Variants in KDM7A observed in about 807,000 individuals in gnomAD.
KDM7A encodes the protein lysine-specific demethylase 7A.
A neutral mutation model predicts 114.8 loss-of-function variants in KDM7A; 28 were observed. The ratio of observed to expected loss-of-function variants is 0.24; its 90% CI spans 0.18 to 0.33. KDM7A has a LOEUF of 0.33. KDM7A is among the 10% of genes least tolerant of loss of function. The pLI is 1.00. For synonymous variants in KDM7A, 423 were observed against 397.8 expected, an observed-to-expected ratio of 1.06 and a Z score of -0.75; for missense variants, 942 against 1,142.5, an observed-to-expected ratio of 0.82 and a Z score of 2.53.
At chr7:140,111,440 C>T (rs905709636) in intron 10 of KDM7A, among the ~76,000 whole-genome samples, 7 of 152,128 alleles carry the variant, frequency 4.6e-5, no homozygotes, top group Non-Finnish European at 8.8e-5. Context: ...GAGTAGTAAC[C>T]TTGTACTCTA....
At chr7:140,136,815 T>C (rs1027957386) in intron 2 of KDM7A, among the ~76,000 whole-genome samples, 1 of 151,974 alleles carries the variant, frequency 6.6e-6, no homozygotes, top group African/African-American at 2.4e-5. Context: ...GGTGAAACTC[T>C]GTCTCTACTG....
intron 7 of KDM7A, among the ~76,000 whole-genome samples, chr7:140,121,992 A>T (rs1324505446): frequency 6.6e-6 from 1 of 152,230 alleles, no homozygotes; most frequent in Non-Finnish European, 1.5e-5. Context: ...CACCTGAATC[A>T]GCCAATAACT....
chr7:140,176,889 C>T lies in KDM7A; in HGVS notation c.49G>A (p.Ala17Thr). ...GCCGCCACCGACACGGCTGCCGCGG[C>T]GGCTCCAGCTGCTGCTCCCGCGGCC... ...AVAAGAAAGA[A>T]AAAVSVAAPG... Residue 17 changes from alanine to threonine, a missense_variant, in exon 1 of 20, where the codon GCC becomes ACC. By Grantham distance (58) the Ala-to-Thr change is moderately conservative. Around this residue, in one of 4 missense-constraint regions of KDM7A, gnomAD observed 112 missense variants for 96.2 expected, o/e 1.16. Transcript: ENST00000397560. This position sits in a 1 kb window ranked among gnomAD's most constrained non-coding sequence, Gnocchi z 4.4. 8.3e-7 allele frequency: 1 copy of T among 1,199,770 alleles called. No individual in the cohort carries two copies. The highest frequency in any genetic ancestry group is 1.0e-6 in the Non-Finnish European group (1 of 957,666). 74.3% of individuals were successfully genotyped at this position (1,199,770 alleles called of 1,614,324 possible).
At chr7:140,148,147 T>C (rs1794359930) in intron 1 of KDM7A, among the ~76,000 whole-genome samples, 1 of 151,924 alleles carries the variant, frequency 6.6e-6, no homozygotes, top group Non-Finnish European at 1.5e-5. Flanking sequence ...CTTTTATGAT[T>C]GGGCTTAGTA....
At position 140,113,598 on chromosome 7, in the gene KDM7A, T is replaced by C. The variant is rs775105604; in HGVS notation, c.1247-16A>G. 13 of 1,397,434 alleles carry C rather than the reference T, an allele frequency of 9.3e-6. No homozygotes were observed. Among genetic ancestry groups the C allele is most frequent in the South Asian group, 1.2e-5 (1 of 81,112 alleles). The allele number at this position is 1,397,434 out of a possible 1,614,324, so 86.6% of individuals were successfully genotyped here. ...TCTCTCAGTTCTGTAGGAATGGAAA[T>C]GGGGTGAGAAAAAAAAATAGTTAAA... On this transcript the variant is annotated splice_polypyrimidine_tract_variant and intron_variant, in intron 9 of 19. Coordinates refer to ENST00000397560, the MANE Select transcript of KDM7A (RefSeq NM_030647.2).
intron 9 of KDM7A, among the ~76,000 whole-genome samples, 174 bp from the exon 10 acceptor site, chr7:140,113,756 T>C (rs1818469501): frequency 6.6e-6 from 1 of 152,162 alleles, no homozygotes; most frequent in Admixed American, 6.5e-5. Context: ...AGAAACAGAA[T>C]TACATTCAAT....
At chr7:140,100,721 T>TATATATATATATATATACAC (rs1818205234) in intron 12 of KDM7A, among the ~76,000 whole-genome samples, 6 of 57,232 alleles carry the variant, frequency 1.0e-4, no homozygotes, top group South Asian at 5.7e-4. Context: ...CATATATATA[T>TATATATATATATATATACAC]ATATATATAT....
intron 1 of KDM7A, among the ~76,000 whole-genome samples, chr7:140,144,628 A>G (rs1015214720): frequency 2.6e-5 from 4 of 152,150 alleles, no homozygotes; most frequent in Non-Finnish European, 5.9e-5. Context: ...CTGTAGAACG[A>G]AAGACTAAGA....
At chr7:140,144,983 G>A (rs1794324847) in intron 1 of KDM7A, among the ~76,000 whole-genome samples, 1 of 152,028 alleles carries the variant, frequency 6.6e-6, no homozygotes, top group Non-Finnish European at 1.5e-5. Flanking sequence ...GCCTCACCAG[G>A]AGCAGATGCT....
chr7:140,088,030 T>C lies in KDM7A; in HGVS notation c.*3064A>G, dbSNP rs1365586368. On this transcript the variant is annotated 3_prime_UTR_variant, in exon 20 of 20. Transcript: ENST00000397560. ...GTTTGATAAATACCTGTTGATCCCATATAAATAAATACAGTAGACTATAAT... is the reference window on the plus strand; with the variant it reads ...GTTTGATAAATACCTGTTGATCCCACATAAATAAATACAGTAGACTATAAT... The C allele has an allele frequency of 6.7e-6, 1 of 149,852 alleles. No homozygotes were observed. The highest frequency in any genetic ancestry group is 2.5e-5 in the African/African-American group (1 of 40,446). The allele number at this position is 149,852 out of a possible 1,614,324, so 9.3% of individuals were successfully genotyped here. A position where few individuals can be genotyped will look rare whatever the true frequency, so the allele number is the denominator to read the frequency against.
At chr7:140,148,198 C>T (rs1794360457) in intron 1 of KDM7A, among the ~76,000 whole-genome samples, 1 of 149,600 alleles carries the variant, frequency 6.7e-6, no homozygotes, top group African/African-American at 2.5e-5. Context: ...ACACACCAGG[C>T]ACTCAAATGG....
Position 140,122,841 on chromosome 7 carries a change from C to T in KDM7A, c.1051+1780G>A, listed in dbSNP as rs1390344874. Reference sequence around the variant, plus strand: ...TTCTTACAGGCTTGGTTTTTAACAGCAATGGAGAGCTGACCATAGTTAAGA... The same window carrying T: ...TTCTTACAGGCTTGGTTTTTAACAGTAATGGAGAGCTGACCATAGTTAAGA... On this transcript the variant is annotated intron_variant, in intron 7 of 19. Transcript: ENST00000397560. 1.1e-4 allele frequency among the ~76,000 whole-genome samples: 16 copies of T among 152,322 alleles called. No individual in the cohort carries two copies. In the East Asian group the frequency reaches 1.9e-3, roughly 18 times the overall value.
Position 140,087,081 on chromosome 7 carries a change from TG to T in KDM7A, c.*4012del, listed in dbSNP as rs1817940246. 2 of 152,216 alleles carry T rather than the reference TG, an allele frequency of 1.3e-5. No homozygotes were observed. The highest frequency in any genetic ancestry group is 2.4e-5 in the African/African-American group (1 of 41,450). The allele number at this position is 152,216 out of a possible 1,614,324, so 9.4% of individuals were successfully genotyped here. ...TCTGGTGGCGTCTCCTTTCCTACACTGGTTTCTTTCTACCAAGCAAACTGTT... is the reference window on the plus strand; with the variant it reads ...TCTGGTGGCGTCTCCTTTCCTACACTGTTTCTTTCTACCAAGCAAACTGTT... On this transcript the variant is annotated 3_prime_UTR_variant, in exon 20 of 20. Transcript: ENST00000397560.
At position 140,139,125 on chromosome 7, in the gene KDM7A, A is replaced by T. The variant is rs372848812; in HGVS notation, c.260T>A (p.Val87Asp). The T allele has an allele frequency of 2.9e-5, 47 of 1,612,008 alleles. No individual in the cohort carries two copies. The highest frequency in any genetic ancestry group is 3.4e-5 in the Non-Finnish European group (40 of 1,178,396). Residue 87 changes from valine to aspartate, a missense_variant, in exon 2 of 20, where the codon GTT becomes GAT. By Grantham distance (152) the Val-to-Asp change is radical (BLOSUM62 -3). Around this residue, in one of 4 missense-constraint regions of KDM7A, gnomAD observed 318 missense variants for 453.1 expected, o/e 0.70. Transcript: ENST00000397560. ...IDLYHCPNCA[V>D]LHGSSLMKKR... ...CTTACTCAAGGAGGAACCATGTAAAACTGCACAGTTGGGACAGTGATACAG... is the reference window on the plus strand; with the variant it reads ...CTTACTCAAGGAGGAACCATGTAAATCTGCACAGTTGGGACAGTGATACAG...
intron 17 of KDM7A, among the ~76,000 whole-genome samples, chr7:140,095,455 T>C (rs62491377): frequency 0.067 from 10,179 of 152,350 alleles, 396 homozygotes; most frequent in Non-Finnish European, 0.09. Flanking sequence ...CAGATGGTCC[T>C]GGCTTCAAAT....
rs866161112 is a variant in KDM7A at position 140,091,878 on chromosome 7, G to A, written c.2657C>T (p.Ser886Phe). 1 of 1,613,926 alleles carries A rather than the reference G, an allele frequency of 6.2e-7. No homozygotes were observed. Among genetic ancestry groups the A allele is most frequent in the Non-Finnish European group, 8.5e-7 (1 of 1,180,004 alleles). ...GGTGGGGTGAAGGGGCACCGAGAAGGAAGTTTCACCAACTGGCCTTTCTGG... is the reference window on the plus strand; with the variant it reads ...GGTGGGGTGAAGGGGCACCGAGAAGAAAGTTTCACCAACTGGCCTTTCTGG... ...LSPERPVGET[S>F]FSVPLHPTKR... Residue 886 changes from serine to phenylalanine, a missense_variant, in exon 19 of 20, where the codon TCC becomes TTC. Physicochemically the swap from Ser to Phe is radical, Grantham distance 155. Coordinates refer to ENST00000397560, the MANE Select transcript of KDM7A (RefSeq NM_030647.2).
chr7:140,142,902 T>TA (rs111959732), intron 1 of KDM7A, among the ~76,000 whole-genome samples: 29 of 150,182 alleles, frequency 1.9e-4, no homozygotes, highest in African/African-American at 3.4e-4. Context: ...TAATGCAAAT[T>TA]AAAAAAAAAA....
chr7:140,111,068 C>G (rs1818422496), intron 11 of KDM7A, 27 bp downstream of exon 11: 1 of 1,233,572 alleles, frequency 8.1e-7, no homozygotes, highest in Non-Finnish European at 1.2e-6. Flanking sequence ...AATAATCAAG[C>G]ATTTACATGA....
intron 1 of KDM7A, among the ~76,000 whole-genome samples, chr7:140,164,727 T>C (rs1437637782): frequency 1.3e-5 from 2 of 152,216 alleles, no homozygotes; most frequent in African/African-American, 4.8e-5. Flanking sequence ...GCCTTATCTT[T>C]TAGATTTACA....
Sources: gnomAD v4.1 joint callset for allele counts (sites outside exome capture counted in the v4.1 genomes callset) on GRCh38, gnomAD v4.1.1 for gene constraint, gnomAD v4.1.1 regional missense constraint, Gnocchi (gnomAD v3.1) non-coding constraint, MANE v1.5 for transcripts, NCBI Gene and HGNC (gene_info 2026-07-23, HGNC 2026-07-21) for gene names.